CDK14: variants seen among roughly 807,000 people sequenced by gnomAD.
CDK14 encodes cyclin dependent kinase 14.
Under a neutral mutation model 60.7 loss-of-function variants are expected in CDK14, and 34 were observed. That is an observed-to-expected ratio of 0.56 (90% CI 0.43 to 0.75). The LOEUF is 0.75. CDK14 is among the 30% of genes least tolerant of loss of function. The pLI is 0.00. For missense variants in CDK14, 482 were observed against 564.1 expected (o/e 0.85, Z 1.47); for synonymous variants, 197 against 203.7 (o/e 0.97, Z 0.28).
In CDK14 at chr7:90,984,132, T is replaced by G; in HGVS notation, c.948-16T>G. On this transcript the variant is annotated splice_polypyrimidine_tract_variant and intron_variant, in intron 9 of 14. Coordinates refer to ENST00000380050, the MANE Select transcript of CDK14 (RefSeq NM_001287135.2). ...ATATATTGAAGTTTTGTAACGATTC[T>G]TTCTTCTCTCTCTAGGGGAGTAGGT... The G allele has an allele frequency of 6.5e-7, 1 of 1,544,542 alleles. No individual in the cohort carries two copies. The highest frequency in any genetic ancestry group is 9.0e-7 in the Non-Finnish European group (1 of 1,117,206).
chr7:90,905,435 G>T (rs1342179681), intron 7 of CDK14, among the ~76,000 whole-genome samples: 1 of 152,020 alleles, frequency 6.6e-6, no homozygotes, highest in Non-Finnish European at 1.5e-5. Flanking sequence ...GGGAAAGAAA[G>T]GTATTCATAG....
intron 11 of CDK14, 40 bp from the exon 12 acceptor site, chr7:91,079,392 T>C: frequency 7.4e-7 from 1 of 1,357,574 alleles, no homozygotes; most frequent in South Asian, 1.2e-5. Flanking sequence ...TATATACATT[T>C]GATACAAAGA....
Position 91,112,660 on chromosome 7 carries a change from C to G in CDK14, c.1273C>G (p.Arg425Gly), listed in dbSNP as rs140184613. 45 of 1,613,510 alleles carry G rather than the reference C, an allele frequency of 2.8e-5. No individual in the cohort carries two copies. The highest frequency in any genetic ancestry group is 3.3e-5 in the Non-Finnish European group (39 of 1,179,812). Residue 425 changes from arginine to glycine, a missense_variant, in exon 13 of 15, where the codon CGG (arginine) becomes GGG (glycine). Physicochemically the swap from Arg to Gly is moderately radical, Grantham distance 125. Coordinates refer to ENST00000380050, the MANE Select transcript of CDK14 (RefSeq NM_001287135.2). ...CGAGTATTTTAGTGACCTGCCGCCACGGCTATGGGAACTCACCGACAGTGA... is the reference window on the plus strand; with the variant it reads ...CGAGTATTTTAGTGACCTGCCGCCAGGGCTATGGGAACTCACCGACAGTGA... ...SHEYFSDLPP[R>G]LWELTDMSSI...
intron 2 of CDK14, among the ~76,000 whole-genome samples, chr7:90,716,835 C>T (rs973144184): frequency 6.6e-6 from 1 of 151,946 alleles, no homozygotes; most frequent in African/African-American, 2.4e-5. Context: ...CTTATTGGAC[C>T]ATAACAGCAG....
intron 9 of CDK14, among the ~76,000 whole-genome samples, chr7:90,963,290 A>T (rs1010471829): frequency 6.6e-6 from 1 of 151,878 alleles, no homozygotes; most frequent in African/African-American, 2.4e-5. Flanking sequence ...ACCATGGTAG[A>T]GTGTGCCTAT....
chr7:91,126,343 C>T (rs997551259), intron 14 of CDK14, among the ~76,000 whole-genome samples: 2 of 152,138 alleles, frequency 1.3e-5, no homozygotes, highest in South Asian at 4.2e-4. Flanking sequence ...TACCAACCTC[C>T]ACCATACCTG....
At chr7:90,824,049 G>A (rs1789637831) in intron 5 of CDK14, among the ~76,000 whole-genome samples, 2 of 152,140 alleles carry the variant, frequency 1.3e-5, no homozygotes, top group South Asian at 4.1e-4. Flanking sequence ...AAATACAAAG[G>A]AACTCTAAAG....
chr7:91,077,030 A>C (rs1016772938), intron 11 of CDK14, among the ~76,000 whole-genome samples: 3 of 152,226 alleles, frequency 2.0e-5, no homozygotes, highest in Non-Finnish European at 4.4e-5. Context: ...AAATAGGAAC[A>C]CTTTTACACT....
intron 11 of CDK14, among the ~76,000 whole-genome samples, chr7:91,071,014 T>C (rs1798126312): frequency 6.6e-6 from 1 of 152,168 alleles, no homozygotes; most frequent in South Asian, 2.1e-4. Flanking sequence ...CCATAATGAT[T>C]GATTTTTACC....
intron 4 of CDK14, among the ~76,000 whole-genome samples, chr7:90,748,963 A>G (rs549793818): frequency 6.6e-6 from 1 of 152,308 alleles, no homozygotes; most frequent in Non-Finnish European, 1.5e-5. Flanking sequence ...GATCATTCCA[A>G]AGACATAGTT....
intron 14 of CDK14, among the ~76,000 whole-genome samples, chr7:91,183,707 C>G (rs867806589): frequency 2.6e-5 from 4 of 152,220 alleles, no homozygotes; most frequent in South Asian, 2.1e-4. Flanking sequence ...CTTTCCACCT[C>G]AAGTCTAAGC....
At chr7:91,008,915 T>G (rs574321400) in intron 10 of CDK14, among the ~76,000 whole-genome samples, 1 of 152,254 alleles carries the variant, frequency 6.6e-6, no homozygotes, top group Admixed American at 6.6e-5. Context: ...AGTTTTGACA[T>G]GTGTATAATC....
intron 5 of CDK14, among the ~76,000 whole-genome samples, chr7:90,830,257 C>T (rs1276130948): frequency 6.6e-6 from 1 of 152,212 alleles, no homozygotes; most frequent in East Asian, 1.9e-4. Context: ...TTCCAATCCT[C>T]AACTCTTGTC....
intron 14 of CDK14, among the ~76,000 whole-genome samples, chr7:91,135,739 T>C (rs767461475): frequency 6.6e-6 from 1 of 152,162 alleles, no homozygotes; most frequent in Non-Finnish European, 1.5e-5. Flanking sequence ...TGTTTGAAGA[T>C]CTTCTAAACC....
At chr7:91,201,201 TGAA>T (rs1802709348) in intron 14 of CDK14, among the ~76,000 whole-genome samples, 1 of 152,194 alleles carries the variant, frequency 6.6e-6, no homozygotes, top group South Asian at 2.1e-4. Flanking sequence ...ATTTTTTTCT[TGAA>T]GAGAAACTAA....
chr7:90,828,226 G>A (rs190191148), intron 5 of CDK14, among the ~76,000 whole-genome samples: 1 of 152,256 alleles, frequency 6.6e-6, no homozygotes, highest in Non-Finnish European at 1.5e-5. Flanking sequence ...AAGTGGTGTT[G>A]TTATATAACG....
intron 5 of CDK14, among the ~76,000 whole-genome samples, chr7:90,815,238 A>G (rs779984717): frequency 6.6e-6 from 1 of 152,232 alleles, no homozygotes; most frequent in African/African-American, 2.4e-5. Flanking sequence ...TCAAAATGGA[A>G]CTAAACCAGA....
chr7:90,711,175 C>T (rs1290587234), intron 2 of CDK14, among the ~76,000 whole-genome samples: 5 of 151,876 alleles, frequency 3.3e-5, no homozygotes, highest in Non-Finnish European at 4.4e-5. Context: ...TAAGAAAGAT[C>T]GCCTGATTAG....
chr7:90,787,136 A>G (rs78695582), intron 4 of CDK14, among the ~76,000 whole-genome samples: 10,579 of 152,176 alleles, frequency 0.07, 856 homozygotes, highest in East Asian at 0.43. Context: ...AGAAAGTCAC[A>G]ATGACTCTTA....
Sources: allele counts gnomAD v4.1 joint callset (sites outside exome capture counted in the v4.1 genomes callset), GRCh38; gene constraint gnomAD v4.1.1; transcripts MANE v1.5; gene names NCBI Gene and HGNC (gene_info 2026-07-23, HGNC 2026-07-21).